Variants in LANCL2 observed in about 807,000 individuals in gnomAD.
The protein encoded by LANCL2 is lanC-like protein 2.
Under a neutral mutation model 56.9 loss-of-function variants are expected in LANCL2, and 33 were observed. The observed-to-expected ratio is 0.58, with a 90% CI of 0.44 to 0.78. The LOEUF is 0.78. LANCL2 is among the 30% of genes least tolerant of loss of function. The pLI, the probability that LANCL2 is intolerant of heterozygous loss-of-function variation, is 0.00. For synonymous variants in LANCL2, 233 were observed against 228.2 expected, an observed-to-expected ratio of 1.02 and a Z score of -0.19; for missense variants, 562 against 580.2, an observed-to-expected ratio of 0.97 and a Z score of 0.32.
At chr7:55,382,302 A>T (rs1164833802) in intron 1 of LANCL2, among the ~76,000 whole-genome samples, 1 of 152,136 alleles carries the variant, frequency 6.6e-6, no homozygotes, top group East Asian at 1.9e-4. Flanking sequence ...AAAAACCATT[A>T]AAAAAAGAGT....
intron 5 of LANCL2, among the ~76,000 whole-genome samples, chr7:55,410,929 G>A (rs1249771628): frequency 1.7e-5 from 2 of 118,536 alleles, no homozygotes; most frequent in Non-Finnish European, 3.7e-5. Flanking sequence ...CTGTGGCACT[G>A]TCATTCTAAG....
intron 5 of LANCL2, among the ~76,000 whole-genome samples, chr7:55,407,974 G>A (rs1012742296): frequency 4.6e-5 from 7 of 152,172 alleles, no homozygotes; most frequent in Non-Finnish European, 7.3e-5. Flanking sequence ...GCCGATGAGC[G>A]GACATGGCAG....
intron 1 of LANCL2, among the ~76,000 whole-genome samples, chr7:55,391,357 T>C (rs1404444425): frequency 1.3e-5 from 2 of 152,204 alleles, no homozygotes; most frequent in Non-Finnish European, 2.9e-5. Flanking sequence ...GTTTTTTCTT[T>C]TGTATGAAGA....
At chr7:55,416,969 G>GTTTTT (rs869116156) in intron 6 of LANCL2, among the ~76,000 whole-genome samples, 22 of 81,658 alleles carry the variant, frequency 2.7e-4, no homozygotes, top group African/African-American at 6.9e-4. Flanking sequence ...AAACGAGGTG[G>GTTTTT]TTTTTTTTTT....
At chr7:55,367,070 G>A (rs900749430) in intron 1 of LANCL2, among the ~76,000 whole-genome samples, 2 of 152,188 alleles carry the variant, frequency 1.3e-5, no homozygotes, top group Non-Finnish European at 2.9e-5. Context: ...GCACTCTTCT[G>A]TTTTTCAAGT....
chr7:55,422,440 C>T lies in LANCL2; in HGVS notation c.1009-2814C>T, dbSNP rs1790618844. On this transcript the variant is annotated intron_variant, in intron 6 of 8. Transcript: ENST00000254770. ...TCTCTAGAGGCTTTCACAGTTTCCT[C>T]TTAATTTTGGGTTTTCAATAGTTTA... Among the ~76,000 whole-genome samples the T allele has an allele frequency of 1.3e-5, 2 of 152,132 alleles. 1 individual carries two copies. The highest frequency in any genetic ancestry group is 2.9e-5 in the Non-Finnish European group (2 of 68,018).
At chr7:55,399,149 T>C (rs1790290517) in intron 3 of LANCL2, among the ~76,000 whole-genome samples, 1 of 152,104 alleles carries the variant, frequency 6.6e-6, no homozygotes, top group African/African-American at 2.4e-5. Context: ...GGCATGTGCT[T>C]GTAGTTCCAT....
chr7:55,404,779 A>G (rs1790386349), intron 5 of LANCL2, among the ~76,000 whole-genome samples: 1 of 152,006 alleles, frequency 6.6e-6, no homozygotes, highest in African/African-American at 2.4e-5. Flanking sequence ...ACACCTGGCT[A>G]ATTTTTGTAT....
At chr7:55,397,121 A>G (rs545523119) in intron 2 of LANCL2, 2 of 152,346 alleles carry the variant, frequency 1.3e-5, no homozygotes, top group South Asian at 4.1e-4. Flanking sequence ...TATACCCTGA[A>G]TAGAAAAATT....
At chr7:55,399,336 T>C (rs1394473626) in intron 3 of LANCL2, among the ~76,000 whole-genome samples, 1 of 137,592 alleles carries the variant, frequency 7.3e-6, no homozygotes, top group Non-Finnish European at 1.5e-5. Context: ...ATTGGTGACA[T>C]TGCAGTCCTT....
chr7:55,427,325 T>C (rs946301708), intron 7 of LANCL2, among the ~76,000 whole-genome samples: 2 of 152,182 alleles, frequency 1.3e-5, no homozygotes, highest in Non-Finnish European at 2.9e-5. Flanking sequence ...GATACTGATA[T>C]GGAAGATGGG....
At chr7:55,368,831 A>G (rs1272011267) in intron 1 of LANCL2, among the ~76,000 whole-genome samples, 1 of 152,204 alleles carries the variant, frequency 6.6e-6, no homozygotes, top group Non-Finnish European at 1.5e-5. Flanking sequence ...CCCTAATCCA[A>G]TATGACTGGT....
intron 1 of LANCL2, among the ~76,000 whole-genome samples, chr7:55,368,403 A>G (rs532880931): frequency 5.3e-5 from 8 of 152,354 alleles, no homozygotes; most frequent in Admixed American, 5.2e-4. Flanking sequence ...TATATGCTAA[A>G]GAAAGAAATG....
chr7:55,421,095 C>T (rs572629981), intron 6 of LANCL2, among the ~76,000 whole-genome samples: 1 of 152,280 alleles, frequency 6.6e-6, no homozygotes, highest in Admixed American at 6.5e-5. Context: ...CATCTTTTTG[C>T]TTTCAACCTG....
Position 55,365,404 on chromosome 7 carries a change from T to C in LANCL2, c.-622T>C, listed in dbSNP as rs1237513294. ...AATTCTGTTCTTTAGAAGAGATTTTTTTTTTCTTCTTAATATCAAACAAAG... is the reference window on the plus strand; with the variant it reads ...AATTCTGTTCTTTAGAAGAGATTTTCTTTTTCTTCTTAATATCAAACAAAG... On this transcript the variant is annotated 5_prime_UTR_variant, in exon 1 of 9. Coordinates refer to ENST00000254770, the MANE Select transcript of LANCL2 (RefSeq NM_018697.4). 1 of 152,226 alleles carries C rather than the reference T, an allele frequency of 6.6e-6. No homozygotes were observed. The highest frequency in any genetic ancestry group is 2.4e-5 in the African/African-American group (1 of 41,462). The allele number at this position is 152,226 out of a possible 1,614,324, so 9.4% of individuals were successfully genotyped here.
At chr7:55,392,037 A>G (rs1790197420) in intron 2 of LANCL2, 127 bp downstream of exon 2, 1 of 549,096 alleles carries the variant, frequency 1.8e-6, no homozygotes, top group Non-Finnish European at 3.3e-6. Context: ...TGACGCCTGT[A>G]ATCCCAGCAC....
rs142832893 is a variant in LANCL2 at position 55,428,641 on chromosome 7, T to C, written c.1258+194T>C. ...ACCTATTGTTTTGTGCTCCTGTGAA[T>C]GTCTTCCAAGTGTTCTTAGGTTTTT... On this transcript the variant is annotated intron_variant, in intron 8 of 8. Transcript: ENST00000254770. 4.8e-3 allele frequency among the ~76,000 whole-genome samples: 734 copies of C among 152,340 alleles called. 10 individuals are homozygous for C. Among genetic ancestry groups the C allele is most frequent in the African/African-American group, 0.017 (686 of 41,568 alleles).
chr7:55,396,900 A>C (rs1790260057), intron 2 of LANCL2: 1 of 152,194 alleles, frequency 6.6e-6, no homozygotes, highest in South Asian at 2.1e-4. Context: ...GTAAGTATTT[A>C]ACTTTTACTG....
At chr7:55,388,352 G>A (rs1393993367) in intron 1 of LANCL2, among the ~76,000 whole-genome samples, 2 of 152,074 alleles carry the variant, frequency 1.3e-5, no homozygotes, top group Non-Finnish European at 2.9e-5. Context: ...TTGAGACCAG[G>A]CTGGCCAACA....
Sources: gnomAD v4.1 joint callset for allele counts (sites outside exome capture counted in the v4.1 genomes callset) on GRCh38, gnomAD v4.1.1 for gene constraint, MANE v1.5 for transcripts, NCBI Gene and HGNC (gene_info 2026-07-23, HGNC 2026-07-21) for gene names.